ANKS6: variants seen among roughly 807,000 people sequenced by gnomAD.
The protein encoded by ANKS6 is ankyrin repeat and SAM domain-containing protein 6.
In ANKS6, 47 loss-of-function variants were observed where a neutral mutation model predicts 77.9. The observed-to-expected ratio is 0.60, with a 90% confidence interval of 0.48 to 0.77. ANKS6 has a LOEUF of 0.77. Among genes scored for constraint, ANKS6 ranks in the 30% least tolerant of loss-of-function variants. The pLI is 0.00. For missense variants in ANKS6, 1,150 were observed against 1,159.1 expected, an observed-to-expected ratio of 0.99 and a Z score of 0.11; for synonymous variants, 488 against 501.7, an observed-to-expected ratio of 0.97 and a Z score of 0.37.
intron 2 of ANKS6, among the ~76,000 whole-genome samples, chr9:98,787,369 GC>G (rs1285772031): frequency 7.4e-6 from 1 of 135,098 alleles, no homozygotes; most frequent in Non-Finnish European, 1.6e-5. Context: ...TCTTTACACT[GC>G]CCTTTTTTTT....
intron 10 of ANKS6, among the ~76,000 whole-genome samples, chr9:98,768,849 G>A (rs1833457836): frequency 6.6e-6 from 1 of 152,184 alleles, no homozygotes; most frequent in African/African-American, 2.4e-5. Flanking sequence ...AAATAAAGGG[G>A]CCGGGTGCAG....
intron 6 of ANKS6, 69 bp downstream of exon 6, chr9:98,780,120 G>A (rs1164974062): frequency 2.5e-6 from 4 of 1,592,814 alleles, no homozygotes; most frequent in East Asian, 4.5e-5. Flanking sequence ...GTGCATAGGA[G>A]GCAGCAGGCT....
intron 4 of ANKS6, 100 bp from the exon 5 acceptor site, chr9:98,782,673 A>G (rs900455114): frequency 3.3e-5 from 31 of 932,306 alleles, no homozygotes; most frequent in Admixed American, 2.6e-4. Flanking sequence ...GTCTCTGAGC[A>G]TTTAAGAAGG....
intron 13 of ANKS6, chr9:98,746,106 G>C (rs1832116322): frequency 6.2e-6 from 1 of 162,402 alleles, no homozygotes; most frequent in Non-Finnish European, 1.3e-5. Context: ...TGTGGAAAGA[G>C]AGTGAGGAAA....
At chr9:98,784,580 A>G in intron 3 of ANKS6, 2 of 487,194 alleles carry the variant, frequency 4.1e-6, no homozygotes, top group Non-Finnish European at 7.2e-6. Flanking sequence ...GAGGCATTTC[A>G]GATGCAGGAA....
chr9:98,760,462 C>T (rs187909233), intron 11 of ANKS6, among the ~76,000 whole-genome samples: 51 of 152,306 alleles, frequency 3.3e-4, no homozygotes, highest in Non-Finnish European at 2.9e-5. Context: ...CATCCTGGAG[C>T]TACTTAGGGG....
rs1400628090 is a variant in ANKS6, at chr9:98,732,494, T to C, written c.*4025A>G. 1.3e-6 allele frequency: 2 copies of C among 1,550,418 alleles called. No homozygotes were observed. Among genetic ancestry groups the C allele is most frequent in the Non-Finnish European group, 8.7e-7 (1 of 1,146,980 alleles). On this transcript the variant is annotated 3_prime_UTR_variant, in exon 15 of 15. Coordinates refer to ENST00000353234, the MANE Select transcript of ANKS6 (RefSeq NM_173551.5). Reference sequence around the variant, plus strand: ...GGGCTCCGATGCCAGCAGAGCCACCTGAGCGGCTGCTACCTCTTGCCGGAG... The same window carrying C: ...GGGCTCCGATGCCAGCAGAGCCACCCGAGCGGCTGCTACCTCTTGCCGGAG...
chr9:98,780,205 T>C lies in ANKS6; in HGVS notation c.1352A>G (p.Asp451Gly), dbSNP rs1331504558. 1.2e-6 allele frequency: 2 copies of C among 1,613,868 alleles called. No homozygotes were observed. Among genetic ancestry groups the C allele is most frequent in the Admixed American group, 3.3e-5 (2 of 59,990 alleles). The change falls in exon 6 of 15, where the codon GAC (aspartate) becomes GGC (glycine). Residue 451 changes from aspartate to glycine, a missense_variant. Physicochemically the swap from Asp to Gly is moderately conservative, Grantham distance 94 (BLOSUM62 -1). Transcript: ENST00000353234. ...AAGGCAAACCTTCAGTCCACCCTTG[T>C]CATCGGGCAGCACTGGGATGCTCCA... ...QPWSIPVLPD[D>G]KGGLKSWWNR...
chr9:98,732,771 T>G lies in ANKS6; in HGVS notation c.*3748A>C. ...AAACGTGCTCAACATCACGCAGCAC[T>G]AGGTCTATGTCCAGTGCTCTTTCCA... is the stretch of plus-strand genomic sequence containing the variant. On this transcript the variant is annotated 3_prime_UTR_variant, in exon 15 of 15. Coordinates refer to ENST00000353234, the MANE Select transcript of ANKS6 (RefSeq NM_173551.5). 7.1e-7 allele frequency: 1 copy of G among 1,408,624 alleles called. No homozygotes were observed. The allele number at this position is 1,408,624 out of a possible 1,614,324, so 87.3% of individuals were successfully genotyped here.
At chr9:98,795,789 C>A (rs1229439068) in intron 1 of ANKS6, among the ~76,000 whole-genome samples, 2 of 152,186 alleles carry the variant, frequency 1.3e-5, no homozygotes, top group Non-Finnish European at 1.5e-5. Context: ...GGTCTCGCAG[C>A]ACCCTCAACG....
At position 98,796,479 on chromosome 9, in the gene ANKS6, C is replaced by A. The variant is rs1187857162; in HGVS notation, c.13G>T (p.Gly5Trp). ...AGCAGCTGGAAGGCCGGGGGCAGCC[C>A]GCCCTCGCCCATCGCCGCCGCCACG... The part of the protein sequence containing the change: MGEG[G>W]LPPAFQLLLR... Residue 5 changes from glycine to tryptophan, a missense_variant, in exon 1 of 15, where the codon GGG becomes TGG. Coordinates refer to ENST00000353234, the MANE Select transcript of ANKS6 (RefSeq NM_173551.5). The A allele has an allele frequency of 1.0e-6, 1 of 990,294 alleles. No homozygotes were observed. The highest frequency in any genetic ancestry group is 1.2e-6 in the Non-Finnish European group (1 of 834,904). 61.3% of individuals were successfully genotyped at this position (990,294 alleles called of 1,614,324 possible). A position where few individuals can be genotyped will look rare whatever the true frequency, so the allele number is the denominator to read the frequency against.
Position 98,790,129 on chromosome 9 carries a change from C to T in ANKS6, c.837G>A (p.Pro279=), listed in dbSNP as rs763185738. 3.2e-6 allele frequency: 5 copies of T among 1,570,330 alleles called. No homozygotes were observed. The highest frequency in any genetic ancestry group is 1.7e-5 in the Admixed American group (1 of 57,640). Residue 279 remains proline, a synonymous_variant, in exon 2 of 15, where the codon CCG becomes CCA. Coordinates refer to ENST00000353234, the MANE Select transcript of ANKS6 (RefSeq NM_173551.5). ...CTGTTTTGGGCCTGACGGTGGTCAGCGGGTCCAGGTAGTCTACAAGGTCCC... is the reference window on the plus strand; with the variant it reads ...CTGTTTTGGGCCTGACGGTGGTCAGTGGGTCCAGGTAGTCTACAAGGTCCC... ...KHRDLVDYLD[P]LTTVRPKTDE... is the part of the protein sequence containing the mutation.
rs1831350571 is a variant in ANKS6, at chr9:98,734,017, C to T, written c.*2502G>A. The T allele has an allele frequency of 5.1e-6, 5 of 985,376 alleles. No individual in the cohort carries two copies. The highest frequency in any genetic ancestry group is 6.0e-6 in the Non-Finnish European group (5 of 829,948). 61.0% of individuals were successfully genotyped at this position (985,376 alleles called of 1,614,324 possible). Reference sequence around the variant, plus strand: ...AAGGACCAAAAATCAGAAAAACAAGCACCCAACTGACCCCTCCTCCCTGAC... The same window carrying T: ...AAGGACCAAAAATCAGAAAAACAAGTACCCAACTGACCCCTCCTCCCTGAC... On this transcript the variant is annotated 3_prime_UTR_variant, in exon 15 of 15. Coordinates refer to ENST00000353234, the MANE Select transcript of ANKS6 (RefSeq NM_173551.5).
intron 5 of ANKS6, among the ~76,000 whole-genome samples, chr9:98,780,806 T>C (rs1834205429): frequency 6.6e-6 from 1 of 152,154 alleles, no homozygotes. Flanking sequence ...ATGAAGTTAT[T>C]AGGAACCCAA....
chr9:98,778,523 G>T lies in ANKS6; in HGVS notation c.1369-99C>A, dbSNP rs539699880. The stretch of plus-strand genomic sequence containing the variant: ...AGAGACAGTGACTACATTCACATGT[G>T]CCTGCCCTCCCCTCTCCTGGGGCCC... On this transcript the variant is annotated intron_variant, in intron 6 of 14. Coordinates refer to ENST00000353234, the MANE Select transcript of ANKS6 (RefSeq NM_173551.5). 2,894 of 1,136,022 alleles carry T rather than the reference G, an allele frequency of 2.5e-3. 7 individuals are homozygous for T. Among genetic ancestry groups the T allele is most frequent in the Non-Finnish European group, 3.4e-3 (2,712 of 787,974 alleles). The allele number at this position is 1,136,022 out of a possible 1,614,324, so 70.4% of individuals were successfully genotyped here.
chr9:98,768,718 G>A (rs564690499), intron 10 of ANKS6, among the ~76,000 whole-genome samples: 12 of 152,254 alleles, frequency 7.9e-5, no homozygotes, highest in African/African-American at 2.9e-4. Context: ...CTACTCTCAC[G>A]ACTGAGTCAA....
At chr9:98,784,500 T>A in intron 3 of ANKS6, 1 of 405,806 alleles carries the variant, frequency 2.5e-6, no homozygotes. Context: ...GGAAGCAGGG[T>A]CTATATCAAG....
rs183399815 is a variant in ANKS6, at chr9:98,771,403, C to T, written c.1822-357G>A. ...GGACAAAATCCAGCCCCCTCAGCAC[C>T]GCCGGGCACAGTGACCAGCACCCCA... On this transcript the variant is annotated intron_variant, in intron 9 of 14. Coordinates refer to ENST00000353234, the MANE Select transcript of ANKS6 (RefSeq NM_173551.5). Among the ~76,000 whole-genome samples the T allele has an allele frequency of 2.3e-4, 35 of 152,296 alleles. No individual in the cohort carries two copies. The East Asian group carries it at 6.4e-3, about 28-fold the overall frequency.
chr9:98,787,748 G>A (rs1260855848), intron 2 of ANKS6, among the ~76,000 whole-genome samples: 1 of 152,176 alleles, frequency 6.6e-6, no homozygotes, highest in Non-Finnish European at 1.5e-5. Flanking sequence ...AAAAGACACT[G>A]TAGTCCTGCA....
Sources: allele counts gnomAD v4.1 joint callset (sites outside exome capture counted in the v4.1 genomes callset), GRCh38; gene constraint gnomAD v4.1.1; transcripts MANE v1.5; gene names NCBI Gene and HGNC (gene_info 2026-07-23, HGNC 2026-07-21).